The following LOX variants were observed in gnomAD, a reference collection of about 807,000 sequenced individuals.
The protein encoded by LOX is lysyl oxidase.
A neutral mutation model predicts 50.5 loss-of-function variants in LOX; 12 were observed. The observed-to-expected ratio is 0.24, with a 90% confidence interval of 0.15 to 0.38. The LOEUF is 0.38. Ranked by LOEUF, LOX falls within the 10% of genes least tolerant of loss-of-function variation. LOX has a pLI of 1.00. For missense variants in LOX, 504 were observed against 563.8 expected (o/e 0.89, Z 1.07); for synonymous variants, 254 against 230.6 (o/e 1.10, Z -0.92).
In LOX at chr5:122,077,309, G is replaced by T; in HGVS notation, c.631+46C>A. The T allele has an allele frequency of 6.2e-7, 1 of 1,611,566 alleles. No individual in the cohort carries two copies. Among genetic ancestry groups the T allele is most frequent in the South Asian group, 1.1e-5 (1 of 90,666 alleles). ...AGCCACGTCGAGAAGCCACATAGCT[G>T]GGGACCAGGTGCACGGGTGCTTCCA... On this transcript the variant is annotated intron_variant, in intron 1 of 6. Transcript: ENST00000231004. The surrounding 1 kb of genome is among the most constrained non-coding windows in gnomAD (Gnocchi z 4.9).
At position 122,078,038 on chromosome 5, in the gene LOX, T is replaced by C; in HGVS notation, c.-53A>G. On this transcript the variant is annotated 5_prime_UTR_variant, in exon 1 of 7. Transcript: ENST00000231004. ...CGAGGAGGACGTGGCTCACAGAAAA[T>C]AAAAACGGGGCTCAAATCACGTGAG... The C allele has an allele frequency of 1.4e-6, 2 of 1,415,860 alleles. No individual in the cohort carries two copies. The highest frequency in any genetic ancestry group is 3.5e-5 in the South Asian group (2 of 57,856). 87.7% of individuals were successfully genotyped at this position (1,415,860 alleles called of 1,614,324 possible).
rs774193723 is a variant in LOX at position 122,078,002 on chromosome 5, T to C, written c.-17A>G. On this transcript the variant is annotated 5_prime_UTR_variant, in exon 1 of 7. Coordinates refer to ENST00000231004, the MANE Select transcript of LOX (RefSeq NM_002317.7). ...GAAGCGCATCACTCCTTTTGCCAGA[T>C]TGACCCCGCTCGAGGAGGACGTGGC... The C allele has an allele frequency of 1.5e-5, 22 of 1,440,460 alleles. No homozygotes were observed. The highest frequency in any genetic ancestry group is 7.5e-5 in the African/African-American group (5 of 66,888). The allele number at this position is 1,440,460 out of a possible 1,614,324, so 89.2% of individuals were successfully genotyped here.
At chr5:122,070,792 T>C (rs1561417685) in intron 4 of LOX, 5 of 420,054 alleles carry the variant, frequency 1.2e-5, no homozygotes, top group Non-Finnish European at 2.1e-5. Context: ...AGGACTAATA[T>C]AAGTAGTAGT....
intron 6 of LOX, among the ~76,000 whole-genome samples, chr5:122,067,644 TC>T (rs936577953): frequency 1.3e-5 from 2 of 152,160 alleles, no homozygotes; most frequent in Admixed American, 6.5e-5. Context: ...AGCCTGCTCT[TC>T]AGGGCTGTCT....
rs577911987 is a variant in LOX, at chr5:122,073,772, A to G, written c.1035+241T>C. Among the ~76,000 whole-genome samples, 7 of 152,274 alleles carry G rather than the reference A, an allele frequency of 4.6e-5. No homozygotes were observed. In the East Asian group the frequency reaches 1.4e-3, roughly 29 times the overall value. ...ATCAAGCCATCATTTGCCTTTTCCC[A>G]ATTATTTTACATCTTAACAACATGG... On this transcript the variant is annotated intron_variant, in intron 4 of 6. Transcript: ENST00000231004.
Position 122,075,287 on chromosome 5 carries a change from A to G in LOX, c.878+117T>C. 3.3e-6 allele frequency: 3 copies of G among 906,966 alleles called. No individual in the cohort carries two copies. In the Admixed American group the frequency reaches 8.2e-5, roughly 25 times the overall value. The allele number at this position is 906,966 out of a possible 1,614,324, so 56.2% of individuals were successfully genotyped here. A position where few individuals can be genotyped will look rare whatever the true frequency, so the allele number is the denominator to read the frequency against. The stretch of plus-strand genomic sequence containing the variant: ...AATTACATAGAGAAAAATTCTAAAT[A>G]TAAGTAATAGCAATTTTCTCCCTTC... On this transcript the variant is annotated intron_variant, in intron 3 of 6. Transcript: ENST00000231004.
intron 3 of LOX, chr5:122,075,191 C>G: frequency 4.3e-6 from 2 of 467,724 alleles, no homozygotes. Context: ...CTATCAACAG[C>G]TTTAATAAGC....
At chr5:122,074,410 T>C (rs1754554227) in intron 3 of LOX, among the ~76,000 whole-genome samples, 1 of 152,234 alleles carries the variant, frequency 6.6e-6, no homozygotes, top group Non-Finnish European at 1.5e-5. Flanking sequence ...TTTTGCTTTC[T>C]TATTGTACCC....
In LOX at chr5:122,078,220, C is replaced by T. The variant is rs947116323; in HGVS notation, c.-235G>A. On this transcript the variant is annotated 5_prime_UTR_variant, in exon 1 of 7. Coordinates refer to ENST00000231004, the MANE Select transcript of LOX (RefSeq NM_002317.7). Reference sequence around the variant, plus strand: ...CCCCTTTCTCAGTCCTGGAAGGCAACGGGGAGCGGCGCGGCAGTCCCGGAG... The same window carrying T: ...CCCCTTTCTCAGTCCTGGAAGGCAATGGGGAGCGGCGCGGCAGTCCCGGAG... 2.0e-5 allele frequency: 8 copies of T among 406,210 alleles called. No homozygotes were observed. Among genetic ancestry groups the T allele is most frequent in the African/African-American group, 1.4e-4 (7 of 48,288 alleles). The allele number at this position is 406,210 out of a possible 1,614,324, so 25.2% of individuals were successfully genotyped here. A position where few individuals can be genotyped will look rare whatever the true frequency, so the allele number is the denominator to read the frequency against.
chr5:122,070,349 C>G lies in LOX; in HGVS notation c.1131+145G>C, dbSNP rs1754413914. Reference sequence around the variant, plus strand: ...TCCCCTGAAGTTCTTTAAAATAAGACAGATTAGATTAGATTAGATTGTTTA... The same window carrying G: ...TCCCCTGAAGTTCTTTAAAATAAGAGAGATTAGATTAGATTAGATTGTTTA... On this transcript the variant is annotated intron_variant, in intron 5 of 6. Transcript: ENST00000231004. The G allele has an allele frequency of 6.2e-6, 4 of 649,438 alleles. No homozygotes were observed. The South Asian group carries it at 7.8e-5, about 13-fold the overall frequency. The allele number at this position is 649,438 out of a possible 1,614,324, so 40.2% of individuals were successfully genotyped here.
At chr5:122,068,398 G>A (rs981525764) in intron 6 of LOX, among the ~76,000 whole-genome samples, 5 of 152,088 alleles carry the variant, frequency 3.3e-5, no homozygotes, top group Admixed American at 3.3e-4. Flanking sequence ...ATAGTTGGGA[G>A]TTACCAAACT....
chr5:122,072,328 G>A (rs184119173), intron 4 of LOX, among the ~76,000 whole-genome samples: 1 of 152,318 alleles, frequency 6.6e-6, no homozygotes, highest in East Asian at 1.9e-4. Flanking sequence ...GGCATTTCAT[G>A]TAGGCAAAGT....
Position 122,077,442 on chromosome 5 carries a change from G to C in LOX, c.544C>G (p.Pro182Ala), listed in dbSNP as rs765860482. 5 of 1,614,010 alleles carry C rather than the reference G, an allele frequency of 3.1e-6. No homozygotes were observed. In the South Asian group the frequency reaches 4.4e-5, roughly 14 times the overall value. The change falls in exon 1 of 7, where the codon CCT becomes GCT. Residue 182 changes from proline (P) to alanine (A), a missense_variant. Physicochemically the swap from Pro to Ala is conservative, Grantham distance 27. This residue lies in a region of LOX where 398 missense variants were observed against 365.8 expected (regional missense o/e 1.09). Coordinates refer to ENST00000231004, the MANE Select transcript of LOX (RefSeq NM_002317.7). This position sits in a 1 kb window ranked among gnomAD's most constrained non-coding sequence, Gnocchi z 4.9. ...TAAGTATCGTAGTAGTTGTAATAAG[G>C]GTTGTCGTCAGAGTACTTGTAGGGG... The part of the protein sequence containing the change: ...YNPYKYSDDN[P>A]YYNYYDTYER...
chr5:122,074,130 C>G lies in LOX; in HGVS notation c.918G>C (p.Leu306=), dbSNP rs201494622. Residue 306 remains leucine, a synonymous_variant, in exon 4 of 7, where the codon CTG becomes CTC. Coordinates refer to ENST00000231004, the MANE Select transcript of LOX (RefSeq NM_002317.7). ...HSMDEFSHYD[L]LDANTQRRVA... is the part of the protein sequence containing the mutation. The stretch of plus-strand genomic sequence containing the variant: ...CTCTCCTCTGGGTGTTGGCATCAAG[C>G]AGGTCATAGTGGCTAAACTCATCCA... 9.3e-6 allele frequency: 15 copies of G among 1,613,994 alleles called. No homozygotes were observed. Among genetic ancestry groups the G allele is most frequent in the Non-Finnish European group, 1.3e-5 (15 of 1,179,986 alleles).
chr5:122,068,591 C>A (rs1050335822), intron 6 of LOX, among the ~76,000 whole-genome samples: 1 of 152,120 alleles, frequency 6.6e-6, no homozygotes, highest in Non-Finnish European at 1.5e-5. Flanking sequence ...AGGTGGCAGA[C>A]CTGTACCTGA....
chr5:122,074,187 A>G lies in LOX; in HGVS notation c.879-18T>C, dbSNP rs767611165. On this transcript the variant is annotated intron_variant, in intron 3 of 6. Coordinates refer to ENST00000231004, the MANE Select transcript of LOX (RefSeq NM_002317.7). ...GGTAATGTCTGATGTCCCACAAAAC[A>G]AAAAGATGGTGGTCAGTTACATACA... The G allele has an allele frequency of 6.2e-6, 10 of 1,605,536 alleles. No individual in the cohort carries two copies. In the South Asian group the frequency reaches 1.1e-4, roughly 18 times the overall value.
intron 4 of LOX, among the ~76,000 whole-genome samples, chr5:122,072,314 A>AAT (rs916917518): frequency 2.0e-5 from 3 of 152,248 alleles, no homozygotes; most frequent in African/African-American, 7.2e-5. Flanking sequence ...TACTAAGGCA[A>AAT]ATAGGCATTT....
At position 122,077,462 on chromosome 5, in the gene LOX, T is replaced by A; in HGVS notation, c.524A>T (p.Tyr175Phe). 6.2e-7 allele frequency: 1 copy of A among 1,614,004 alleles called. No homozygotes were observed. The highest frequency in any genetic ancestry group is 8.5e-7 in the Non-Finnish European group (1 of 1,179,964). ...ATAAGGGTTGTCGTCAGAGTACTTGTAGGGGTTGTAAGGGTCGTCGCCCAC... is the reference window on the plus strand; with the variant it reads ...ATAAGGGTTGTCGTCAGAGTACTTGAAGGGGTTGTAAGGGTCGTCGCCCAC... ...GMVGDDPYNP[Y>F]KYSDDNPYYN... Residue 175 changes from tyrosine (Y) to phenylalanine (F), a missense_variant, in exon 1 of 7, where the codon TAC becomes TTC. Tyr to Phe is a conservative substitution (Grantham distance 22). Transcript: ENST00000231004. The surrounding 1 kb of genome is among the most constrained non-coding windows in gnomAD (Gnocchi z 4.9).
At chr5:122,076,802 T>C in intron 2 of LOX, 91 bp downstream of exon 2, 2 of 1,107,062 alleles carry the variant, frequency 1.8e-6, no homozygotes, top group South Asian at 2.6e-5. Context: ...CTAACACTTG[T>C]CTGCGCGAAG....
Sources: allele counts gnomAD v4.1 joint callset (sites outside exome capture counted in the v4.1 genomes callset), GRCh38; gene constraint gnomAD v4.1.1; regional missense constraint gnomAD v4.1.1; non-coding constraint Gnocchi (gnomAD v3.1); transcripts MANE v1.5; gene names NCBI Gene and HGNC (gene_info 2026-07-23, HGNC 2026-07-21).